LCMT1: variants seen among roughly 807,000 people sequenced by gnomAD.
LCMT1 encodes the protein leucine carboxyl methyltransferase 1, also known as [Phosphatase 2A protein]-leucine-carboxy methyltransferase 1.
LCMT1 carries 32 observed loss-of-function variants against 47.7 expected under a neutral mutation model. The ratio of observed to expected loss-of-function variants is 0.67; its 90% confidence interval spans 0.51 to 0.90. The LOEUF (loss-of-function observed/expected upper bound fraction) is 0.90, where lower values mean the gene tolerates loss of function less well. LCMT1 is among the 40% of genes least tolerant of loss of function. The pLI, the probability that LCMT1 is intolerant of heterozygous loss-of-function variation, is 0.00. For synonymous variants in LCMT1, 152 were observed against 149.7 expected, an observed-to-expected ratio of 1.02 and a Z score of -0.11; for missense variants, 375 against 415.2, an observed-to-expected ratio of 0.90 and a Z score of 0.84.
At chr16:25,176,550 C>CTTTTTTTTTTTTTTTTTTTTT (rs1170373745) in intron 10 of LCMT1, among the ~76,000 whole-genome samples, 1 of 44,258 alleles carries the variant, frequency 2.3e-5, no homozygotes, top group African/African-American at 1.0e-4. Context: ...TTTTTTTTGG[C>CTTTTTTTTTTTTTTTTTTTTT]TTTTTTTTTT....
intron 7 of LCMT1, among the ~76,000 whole-genome samples, chr16:25,167,607 C>G (rs770472082): frequency 1.3e-5 from 2 of 152,084 alleles, no homozygotes; most frequent in African/African-American, 4.8e-5. Flanking sequence ...CCACCATGCT[C>G]AGCTTGTTGC....
In LCMT1 at chr16:25,170,702, TGCACATTTTAGAAAGAACG is replaced by T; in HGVS notation, c.793-9_802del. On this transcript the variant is annotated splice_acceptor_variant and splice_polypyrimidine_tract_variant and coding_sequence_variant and intron_variant, in exon 9 of 11. Transcript: ENST00000399069. LOFTEE classifies it high-confidence loss of function. The stretch of plus-strand genomic sequence containing the variant: ...TCTCTAGTTCTCCATTTCTCTTCGT[TGCACATTTTAGAAAGAACG>T]GCTCCTGTCGAATGGGTGGGAAACA... The T allele has an allele frequency of 6.2e-7, 1 of 1,607,494 alleles. No homozygotes were observed. Among genetic ancestry groups the T allele is most frequent in the Non-Finnish European group, 8.5e-7 (1 of 1,174,966 alleles).
intron 3 of LCMT1, among the ~76,000 whole-genome samples, chr16:25,133,078 C>G (rs1210653250): frequency 6.6e-6 from 1 of 151,252 alleles, no homozygotes; most frequent in African/African-American, 2.4e-5. Context: ...CCAGGCTGGT[C>G]CTGAACTCCT....
chr16:25,132,592 G>A (rs1362949410), intron 3 of LCMT1, 69 bp downstream of exon 3: 5 of 1,522,202 alleles, frequency 3.3e-6, no homozygotes, highest in Admixed American at 1.8e-5. Context: ...CACCTAATTC[G>A]AAATGTAAAC....
intron 1 of LCMT1, among the ~76,000 whole-genome samples, chr16:25,117,778 G>T (rs1959843812): frequency 6.6e-6 from 1 of 151,922 alleles, no homozygotes; most frequent in African/African-American, 2.4e-5. Flanking sequence ...CTTGAACTGG[G>T]GAAGTAGAGG....
At chr16:25,166,333 A>G (rs1961591618) in intron 7 of LCMT1, among the ~76,000 whole-genome samples, 1 of 151,028 alleles carries the variant, frequency 6.6e-6, no homozygotes, top group Non-Finnish European at 1.5e-5. Flanking sequence ...GATTCCTGAG[A>G]TGATGGTCAG....
At chr16:25,158,501 C>T (rs1961328665) in intron 5 of LCMT1, among the ~76,000 whole-genome samples, 1 of 152,186 alleles carries the variant, frequency 6.6e-6, no homozygotes, top group South Asian at 2.1e-4. Flanking sequence ...ACATTTTTCT[C>T]TCACGAAATA....
At chr16:25,156,187 G>T (rs377595737) in intron 5 of LCMT1, among the ~76,000 whole-genome samples, 12 of 152,054 alleles carry the variant, frequency 7.9e-5, no homozygotes, top group Non-Finnish European at 1.8e-4. Context: ...CCTTCCTGCC[G>T]CCTTATGTCA....
chr16:25,170,642 C>T (rs1567329350), intron 8 of LCMT1, 72 bp from the exon 9 acceptor site: 2 of 1,183,958 alleles, frequency 1.7e-6, no homozygotes, highest in Admixed American at 1.8e-5. Flanking sequence ...TAAAACAAAA[C>T]AGTGTCTTAG....
chr16:25,136,387 A>C (rs1379143459), intron 3 of LCMT1, among the ~76,000 whole-genome samples: 6 of 151,934 alleles, frequency 3.9e-5, no homozygotes, highest in Admixed American at 3.9e-4. Flanking sequence ...TGAAATATCA[A>C]AAGGGCCATC....
At chr16:25,140,118 G>A (rs1960635248) in intron 3 of LCMT1, 53 bp from the exon 4 acceptor site, 1 of 1,343,584 alleles carries the variant, frequency 7.4e-7, no homozygotes, top group Non-Finnish European at 1.1e-6. Flanking sequence ...TGTGGAAGAT[G>A]ATCAGCACAT....
intron 7 of LCMT1, among the ~76,000 whole-genome samples, chr16:25,167,212 T>G (rs1961614657): frequency 6.6e-6 from 1 of 152,170 alleles, no homozygotes; most frequent in Admixed American, 6.5e-5. Flanking sequence ...ATAATGAACA[T>G]TTAAGTTAAT....
chr16:25,177,984 T>C lies in LCMT1; in HGVS notation c.983-17T>C, dbSNP rs751229127. On this transcript the variant is annotated splice_polypyrimidine_tract_variant and intron_variant, in intron 10 of 10. Transcript: ENST00000399069. ...CACCAGAGTCTCCTAATGGTGTCTG[T>C]GTGTCTCTCCCCTCAGGGCTGAAGG... 6.2e-7 allele frequency: 1 copy of C among 1,613,340 alleles called. No individual in the cohort carries two copies. Among genetic ancestry groups the C allele is most frequent in the South Asian group, 1.1e-5 (1 of 91,032 alleles).
chr16:25,175,787 A>T (rs1961912965), intron 10 of LCMT1, among the ~76,000 whole-genome samples: 1 of 152,120 alleles, frequency 6.6e-6, no homozygotes, highest in Non-Finnish European at 1.5e-5. Context: ...GCCCAGAAAG[A>T]ACTAGAGGAT....
At chr16:25,159,070 A>C (rs79701641) in intron 5 of LCMT1, 1 of 152,306 alleles carries the variant, frequency 6.6e-6, no homozygotes, top group Non-Finnish European at 1.5e-5. Context: ...TTAGATCCTA[A>C]TGTGAGTAAG....
At chr16:25,137,451 T>G (rs533992786) in intron 3 of LCMT1, among the ~76,000 whole-genome samples, 20 of 152,302 alleles carry the variant, frequency 1.3e-4, no homozygotes, top group African/African-American at 4.6e-4. Flanking sequence ...GCTTTTTCTT[T>G]TTTTTTCTTT....
At chr16:25,120,678 C>T (rs1407686574) in intron 1 of LCMT1, among the ~76,000 whole-genome samples, 9 of 151,402 alleles carry the variant, frequency 5.9e-5, no homozygotes, top group Non-Finnish European at 1.0e-4. Context: ...ATCTGCTTGC[C>T]TTGGCCTCCC....
At chr16:25,147,375 TGCTTAGGGTA>T (rs1960893827) in intron 4 of LCMT1, 1 of 152,212 alleles carries the variant, frequency 6.6e-6, no homozygotes, top group African/African-American at 2.4e-5. Context: ...CCAGGAGGCC[TGCTTAGGGTA>T]GGGAGGGAGT....
Position 25,135,326 on chromosome 16 carries a change from T to G in LCMT1, c.327+2803T>G, listed in dbSNP as rs73563454. Among the ~76,000 whole-genome samples the G allele has an allele frequency of 7.3e-3, 1,108 of 151,532 alleles. 14 individuals carry two copies. Among genetic ancestry groups the G allele is most frequent in the African/African-American group, 0.026 (1,057 of 41,110 alleles). ...ATATATATAACATTTGTTTGCTTTT[T>G]TAGAGCAGGTGTTACAAACTGTAGC... is the stretch of plus-strand genomic sequence containing the variant. On this transcript the variant is annotated intron_variant, in intron 3 of 10. Coordinates refer to ENST00000399069, the MANE Select transcript of LCMT1 (RefSeq NM_016309.3).
Sources: allele counts gnomAD v4.1 joint callset (sites outside exome capture counted in the v4.1 genomes callset), GRCh38; gene constraint gnomAD v4.1.1; transcripts MANE v1.5; gene names NCBI Gene and HGNC (gene_info 2026-07-23, HGNC 2026-07-21).